Variants in MPHOSPH10 observed in about 807,000 individuals in gnomAD.
MPHOSPH10 encodes the protein U3 small nucleolar ribonucleoprotein MPP10.
A neutral mutation model predicts 77.3 loss-of-function variants in MPHOSPH10; 33 were observed. The observed-to-expected ratio is 0.43, with a 90% CI of 0.32 to 0.57. The LOEUF (loss-of-function observed/expected upper bound fraction) is 0.57. Ranked by LOEUF, MPHOSPH10 falls within the 20% of genes least tolerant of loss-of-function variation. The probability of loss-of-function intolerance (pLI) is 0.07; values close to 1 mark genes in which losing one functional copy is unlikely to be tolerated. For synonymous variants in MPHOSPH10, 245 were observed against 268.0 expected (o/e 0.91, Z 0.84); for missense variants, 708 against 780.1 (o/e 0.91, Z 1.10).
rs1482140987 is a variant in MPHOSPH10, at chr2:71,133,976, A to G, written c.797A>G (p.Tyr266Cys). The change falls in exon 3 of 11, where the codon TAC (tyrosine) becomes TGC (cysteine). Residue 266 changes from tyrosine (Y) to cysteine (C), a missense_variant. Physicochemically the swap from Tyr to Cys is radical, Grantham distance 194 (BLOSUM62 -2). Transcript: ENST00000244230. The stretch of plus-strand genomic sequence containing the variant: ...GGTAAAAGTTCCAGAAATCTGAAAT[A>G]CAAAGATTTTTTTGATCCAGTTGAA... Reference protein sequence around the residue: ...KSGKSSRNLKYKDFFDPVESD... With the variant: ...KSGKSSRNLKCKDFFDPVESD... 1 of 1,584,862 alleles carries G rather than the reference A, an allele frequency of 6.3e-7. No homozygotes were observed.
At chr2:71,131,803 A>G (rs538100500) in intron 1 of MPHOSPH10, among the ~76,000 whole-genome samples, 1 of 152,322 alleles carries the variant, frequency 6.6e-6, no homozygotes, top group African/African-American at 2.4e-5. Context: ...ACAAGTCACA[A>G]TGGAGGAATG....
intron 4 of MPHOSPH10, among the ~76,000 whole-genome samples, chr2:71,135,518 G>A (rs938346816): frequency 6.6e-6 from 1 of 151,868 alleles, no homozygotes; most frequent in African/African-American, 2.4e-5. Flanking sequence ...CTGGACTCCA[G>A]CCTGGGCGAC....
In MPHOSPH10 at chr2:71,134,670, A is replaced by G. The variant is rs1558752984; in HGVS notation, c.971A>G (p.His324Arg). The G allele has an allele frequency of 5.6e-6, 9 of 1,611,646 alleles. No individual in the cohort carries two copies. The East Asian group carries it at 6.7e-5, about 12-fold the overall frequency. The change falls in exon 4 of 11, where the codon CAT becomes CGT. Residue 324 changes from histidine (H) to arginine (R), a missense_variant. His to Arg is a conservative substitution (Grantham distance 29). Transcript: ENST00000244230. Reference protein sequence around the residue: ...DLQENEDNKQHKESLKRVTFA... With the variant: ...DLQENEDNKQRKESLKRVTFA... ...CAAGAAAATGAAGACAATAAACAAC[A>G]TAAAGAAAGCTTGAAAAGAGTGACC...
At chr2:71,133,652 T>C (rs1033597751) in intron 2 of MPHOSPH10, 76 bp downstream of exon 2, 27 of 1,400,080 alleles carry the variant, frequency 1.9e-5, no homozygotes, top group African/African-American at 2.9e-5. Flanking sequence ...AGAGATTTAA[T>C]TGTAGTTAGA....
Position 71,130,735 on chromosome 2 carries a change from C to T in MPHOSPH10, c.70C>T (p.Arg24Trp), listed in dbSNP as rs758121357. Residue 24 changes from arginine (R) to tryptophan (W), a missense_variant, in exon 1 of 11, where the codon CGG becomes TGG. Coordinates refer to ENST00000244230, the MANE Select transcript of MPHOSPH10 (RefSeq NM_005791.3). ...CLTEVGKATG[R>W]PECFLTIQEG... Reference sequence around the variant, plus strand: ...GACGGAAGTCGGCAAAGCCACGGGTCGGCCCGAGTGCTTCCTCACGTAAGT... The same window carrying T: ...GACGGAAGTCGGCAAAGCCACGGGTTGGCCCGAGTGCTTCCTCACGTAAGT... The T allele has an allele frequency of 1.9e-6, 3 of 1,610,088 alleles. No homozygotes were observed. The highest frequency in any genetic ancestry group is 2.2e-5 in the East Asian group (1 of 44,818).
intron 8 of MPHOSPH10, among the ~76,000 whole-genome samples, chr2:71,146,965 T>G (rs546339933): frequency 1.3e-4 from 20 of 152,358 alleles, no homozygotes; most frequent in African/African-American, 4.8e-4. Flanking sequence ...TCTTGGGTAG[T>G]TCTTTCAAAA....
rs1572898965 is a variant in MPHOSPH10, at chr2:71,138,888, A to C, written c.1240+257A>C. ...CGTCTCTACTAAAAATACAAAAATC[A>C]GCCAGATACGGTGGCAGATTTCAGA... On this transcript the variant is annotated intron_variant, in intron 5 of 10. Coordinates refer to ENST00000244230, the MANE Select transcript of MPHOSPH10 (RefSeq NM_005791.3). 3 of 605,142 alleles carry C rather than the reference A, an allele frequency of 5.0e-6. No homozygotes were observed. In the East Asian group the frequency reaches 8.3e-5, roughly 17 times the overall value. The allele number at this position is 605,142 out of a possible 1,614,324, so 37.5% of individuals were successfully genotyped here. A position where few individuals can be genotyped will look rare whatever the true frequency, so the allele number is the denominator to read the frequency against.
chr2:71,149,372 T>C lies in MPHOSPH10; in HGVS notation c.1815T>C (p.Asp605=), dbSNP rs759965890. 4 of 1,614,090 alleles carry C rather than the reference T, an allele frequency of 2.5e-6. No homozygotes were observed. Among genetic ancestry groups the C allele is most frequent in the Non-Finnish European group, 3.4e-6 (4 of 1,180,014 alleles). Residue 605 remains aspartate, a synonymous_variant, in exon 10 of 11, where the codon GAT becomes GAC. Coordinates refer to ENST00000244230, the MANE Select transcript of MPHOSPH10 (RefSeq NM_005791.3). ...AACTGCTTGAAAAGAGCAGTGTAGA[T>C]CAAGCAGGGAAATACAGCAAAACAG... is the stretch of plus-strand genomic sequence containing the variant. ...RRKLLEKSSV[D]QAGKYSKTVA...
At chr2:71,146,640 T>C (rs2103680731) in intron 8 of MPHOSPH10, among the ~76,000 whole-genome samples, 1 of 152,288 alleles carries the variant, frequency 6.6e-6, no homozygotes, top group East Asian at 1.9e-4. Flanking sequence ...GCCCAGCATT[T>C]TGTGGCTTTT....
intron 7 of MPHOSPH10, among the ~76,000 whole-genome samples, chr2:71,142,893 T>TAACA (rs1191446689): frequency 6.6e-6 from 1 of 152,112 alleles, no homozygotes; most frequent in Non-Finnish European, 1.5e-5. Flanking sequence ...CATGTCTTAA[T>TAACA]AACAAACAAA....
intron 7 of MPHOSPH10, among the ~76,000 whole-genome samples, 166 bp downstream of exon 7, chr2:71,141,535 G>A (rs1021223620): frequency 6.6e-6 from 1 of 152,146 alleles, no homozygotes; most frequent in Admixed American, 6.5e-5. Context: ...TAATATTCCC[G>A]CTGGATGTGA....
chr2:71,144,487 C>T lies in MPHOSPH10; in HGVS notation c.1506C>T (p.Ser502=), dbSNP rs1572900882. The part of the protein sequence containing the change: ...EHVEIQKMMD[S]LFLKLDALSN... ...TAGAAATTCAGAAGATGATGGATTC[C>T]CTCTTCTTAAAATTGGATGCCCTCT... The change falls in exon 8 of 11, where the codon TCC becomes TCT. Residue 502 remains serine (S), a synonymous_variant. Coordinates refer to ENST00000244230, the MANE Select transcript of MPHOSPH10 (RefSeq NM_005791.3). 1.2e-6 allele frequency: 2 copies of T among 1,614,056 alleles called. No individual in the cohort carries two copies. The highest frequency in any genetic ancestry group is 4.5e-5 in the East Asian group (2 of 44,866).
chr2:71,133,260 G>A lies in MPHOSPH10; in HGVS notation c.452G>A (p.Arg151Lys). ...AATGATGATCCTGAAATGGGTGAGA[G>A]AGCTGAAAACTCAAGCAAATCTGAT... is the stretch of plus-strand genomic sequence containing the variant. ...MGNDDPEMGE[R>K]AENSSKSDLR... The change falls in exon 2 of 11, where the codon AGA becomes AAA. Residue 151 changes from arginine (R) to lysine (K), a missense_variant. By Grantham distance (26) the Arg-to-Lys change is conservative. Around this residue, in one of 3 missense-constraint regions of MPHOSPH10, gnomAD observed 433 missense variants for 432.6 expected, o/e 1.00. Transcript: ENST00000244230. 1.9e-6 allele frequency: 3 copies of A among 1,614,146 alleles called. No homozygotes were observed. Among genetic ancestry groups the A allele is most frequent in the Non-Finnish European group, 2.5e-6 (3 of 1,180,022 alleles).
At chr2:71,144,065 A>G (rs192290768) in intron 7 of MPHOSPH10, among the ~76,000 whole-genome samples, 5 of 152,352 alleles carry the variant, frequency 3.3e-5, no homozygotes, top group Admixed American at 2.6e-4. Context: ...ACAATGCACA[A>G]GGGTTCCAGT....
In MPHOSPH10 at chr2:71,141,214, C is replaced by A; in HGVS notation, c.1309-18C>A. 1 of 1,392,924 alleles carries A rather than the reference C, an allele frequency of 7.2e-7. No homozygotes were observed. Among genetic ancestry groups the A allele is most frequent in the Non-Finnish European group, 9.4e-7 (1 of 1,067,604 alleles). 86.3% of individuals were successfully genotyped at this position (1,392,924 alleles called of 1,614,324 possible). On this transcript the variant is annotated intron_variant, in intron 6 of 10. Coordinates refer to ENST00000244230, the MANE Select transcript of MPHOSPH10 (RefSeq NM_005791.3). ...AATTGTAGGTTTTGTTATGTTCTAC[C>A]TGCACTTTATGTTTCAGGCTTGGGA...
Position 71,134,037 on chromosome 2 carries a change from G to T in MPHOSPH10, c.858G>T (p.Glu286Asp), listed in dbSNP as rs1013524914. ...DEDITNVHDD[E>D]LDSNKEDDEI... ...ACATAACAAATGTTCATGATGATGA[G>T]CTGGATTCAAACAAAGAAGATGATG... The change falls in exon 3 of 11, where the codon GAG (glutamate) becomes GAT (aspartate). Residue 286 changes from glutamate to aspartate, a missense_variant. This residue lies in a region of MPHOSPH10 where 433 missense variants were observed against 432.6 expected (regional missense o/e 1.00). Coordinates refer to ENST00000244230, the MANE Select transcript of MPHOSPH10 (RefSeq NM_005791.3). The T allele has an allele frequency of 6.2e-7, 1 of 1,609,494 alleles. No individual in the cohort carries two copies. The highest frequency in any genetic ancestry group is 1.3e-5 in the African/African-American group (1 of 74,772).
chr2:71,132,815 G>C, intron 1 of MPHOSPH10, 83 bp from the exon 2 acceptor site: 1 of 1,459,108 alleles, frequency 6.9e-7, no homozygotes, highest in Non-Finnish European at 9.2e-7. Flanking sequence ...TTTTACAAAA[G>C]AGTTGGGTTT....
At chr2:71,143,202 C>T (rs932559885) in intron 7 of MPHOSPH10, among the ~76,000 whole-genome samples, 1 of 148,514 alleles carries the variant, frequency 6.7e-6, no homozygotes, top group Non-Finnish European at 1.5e-5. Context: ...AGTGCAGTGG[C>T]GTGATCTAAG....
intron 4 of MPHOSPH10, among the ~76,000 whole-genome samples, chr2:71,135,702 CTTTTTT>C (rs781167523): frequency 7.7e-6 from 1 of 130,672 alleles, no homozygotes; most frequent in Non-Finnish European, 1.6e-5. Context: ...TTTTCTTTTT[CTTTTTT>C]TTTTTTTTTT....
Sources: gnomAD v4.1 joint callset for allele counts (sites outside exome capture counted in the v4.1 genomes callset) on GRCh38, gnomAD v4.1.1 for gene constraint, gnomAD v4.1.1 regional missense constraint, MANE v1.5 for transcripts, NCBI Gene and HGNC (gene_info 2026-07-23, HGNC 2026-07-21) for gene names.